The following TENM2 variants were observed in gnomAD, a reference collection of about 807,000 sequenced individuals.
TENM2 encodes the protein teneurin transmembrane protein 2.
In TENM2, 52 loss-of-function variants were observed where a neutral mutation model predicts 245.2. The observed-to-expected ratio is 0.21, with a 90% confidence interval of 0.17 to 0.27. The LOEUF (loss-of-function observed/expected upper bound fraction) is 0.27. Ranked by LOEUF, TENM2 falls within the 10% of genes least tolerant of loss-of-function variation. The pLI is 1.00. For missense variants in TENM2, 3,046 were observed against 3,666.8 expected (o/e 0.83, Z 4.37); for synonymous variants, 1,363 against 1,438.9 (o/e 0.95, Z 1.19).
the TENM2 span, among the ~76,000 whole-genome samples, chr5:167,276,508 GTTTT>G: frequency 7.2e-5 from 11 of 151,968 alleles, no homozygotes; most frequent in African/African-American, 2.4e-4. Flanking sequence ...AAATATTTGA[GTTTT>G]TTGAGTTTTT....
chr5:167,786,977 C>T (rs1468513604), intron 2 of TENM2, among the ~76,000 whole-genome samples: 1 of 152,246 alleles, frequency 6.6e-6, no homozygotes, highest in Admixed American at 6.5e-5. Flanking sequence ...TAGTAAAATA[C>T]TAGTCACTTT....
intron 2 of TENM2, among the ~76,000 whole-genome samples, chr5:167,450,935 C>T (rs180992109): frequency 1.3e-5 from 2 of 151,928 alleles, no homozygotes; most frequent in African/African-American, 2.4e-5. Context: ...TGTTGATATC[C>T]GTTGTTAATA....
At chr5:167,724,855 G>C (rs1253558056) in intron 2 of TENM2, among the ~76,000 whole-genome samples, 3 of 152,198 alleles carry the variant, frequency 2.0e-5, no homozygotes, top group Non-Finnish European at 4.4e-5. Context: ...CGTAGTGAGA[G>C]TGGTATTAAG....
At chr5:167,865,055 C>G (rs1029540149) in intron 2 of TENM2, among the ~76,000 whole-genome samples, 2 of 152,136 alleles carry the variant, frequency 1.3e-5, no homozygotes, top group African/African-American at 2.4e-5. Flanking sequence ...CCCAACTAAG[C>G]TCTTACAAAA....
At position 167,539,793 on chromosome 5, in the gene TENM2, C is replaced by T. The variant is rs551264691; in HGVS notation, c.502+164320C>T. Among the ~76,000 whole-genome samples, 35 of 152,114 alleles carry T rather than the reference C, an allele frequency of 2.3e-4. No individual in the cohort carries two copies. In the South Asian group the frequency reaches 3.7e-3, roughly 16 times the overall value. On this transcript the variant is annotated intron_variant, in intron 2 of 28. Coordinates refer to ENST00000518659, the Ensembl canonical transcript of TENM2. ...CATTCAGAGAGATAATTTTATAGAG[C>T]GGCTGGTATCATGTGATCTTATTAA... is the stretch of plus-strand genomic sequence containing the variant.
intron 2 of TENM2, among the ~76,000 whole-genome samples, chr5:167,465,992 C>T (rs1402596683): frequency 6.6e-6 from 1 of 152,098 alleles, no homozygotes; most frequent in Non-Finnish European, 1.5e-5. Flanking sequence ...GATACTGACC[C>T]AAATGTAATC....
intron 12 of TENM2, among the ~76,000 whole-genome samples, chr5:168,143,549 T>C (rs559197764): frequency 2.6e-5 from 4 of 152,288 alleles, no homozygotes; most frequent in Admixed American, 2.6e-4. Flanking sequence ...CTGGCCCCAG[T>C]GCCTGGGCGC....
chr5:167,236,388 G>A, the TENM2 span, among the ~76,000 whole-genome samples: 1 of 151,972 alleles, frequency 6.6e-6, no homozygotes, highest in East Asian at 1.9e-4. Flanking sequence ...ACAAAATGCA[G>A]CCAGCTTGAA....
intron 4 of TENM2, among the ~76,000 whole-genome samples, chr5:167,957,361 C>G (rs917100329): frequency 6.6e-6 from 1 of 152,106 alleles, no homozygotes; most frequent in Non-Finnish European, 1.5e-5. Flanking sequence ...TGATTCTTCT[C>G]TCTTTTCTTC....
At chr5:167,658,447 A>G (rs1754993489) in intron 2 of TENM2, among the ~76,000 whole-genome samples, 1 of 152,050 alleles carries the variant, frequency 6.6e-6, no homozygotes, top group Non-Finnish European at 1.5e-5. Flanking sequence ...ATCTCAGGTG[A>G]TCTTCCCACC....
the TENM2 span, among the ~76,000 whole-genome samples, chr5:167,001,489 A>G: frequency 6.6e-6 from 1 of 152,006 alleles, no homozygotes; most frequent in Non-Finnish European, 1.5e-5. Context: ...AACATCTGCC[A>G]TTATACTCCA....
chr5:167,426,868 C>A (rs1225109612), intron 2 of TENM2, among the ~76,000 whole-genome samples: 1 of 152,000 alleles, frequency 6.6e-6, no homozygotes. Context: ...CTAAATTGAT[C>A]ATCTCAAACA....
chr5:167,405,769 AACACACACACACACAC>A (rs149621688), intron 2 of TENM2, among the ~76,000 whole-genome samples: 31 of 145,286 alleles, frequency 2.1e-4, no homozygotes, highest in African/African-American at 7.6e-4. Context: ...CACACACACA[AACACACACACACACAC>A]ACACACACAC....
At chr5:167,937,253 T>G (rs571479350) in intron 3 of TENM2, among the ~76,000 whole-genome samples, 2 of 152,384 alleles carry the variant, frequency 1.3e-5, no homozygotes, top group Non-Finnish European at 2.9e-5. Context: ...TATGAATTAC[T>G]ATACTTTGTT....
rs150599920 is a variant in TENM2 at position 168,087,978 on chromosome 5, A to G, written c.1516-2596A>G. Among the ~76,000 whole-genome samples the G allele has an allele frequency of 2.1e-4, 32 of 152,274 alleles. No homozygotes were observed. In the East Asian group the frequency reaches 4.8e-3, roughly 23 times the overall value. ...CAGGGGGACTCTGAGGAGCCAGCCA[A>G]AATAGATGTCTTCTCTTTCCCCTGA... On this transcript the variant is annotated intron_variant, in intron 7 of 28. Transcript: ENST00000518659.
At chr5:168,110,436 T>C (rs1350567417) in intron 9 of TENM2, among the ~76,000 whole-genome samples, 1 of 152,164 alleles carries the variant, frequency 6.6e-6, no homozygotes, top group Non-Finnish European at 1.5e-5. Flanking sequence ...CTTATCCCAC[T>C]TCAAAGATAA....
chr5:167,244,762 G>A, the TENM2 span, among the ~76,000 whole-genome samples: 2 of 152,128 alleles, frequency 1.3e-5, no homozygotes, highest in Non-Finnish European at 1.5e-5. Flanking sequence ...CTCCCAAGGG[G>A]TAGAGAGCCT....
At chr5:167,331,045 G>T (rs1306598928) in intron 1 of TENM2, among the ~76,000 whole-genome samples, 1 of 151,982 alleles carries the variant, frequency 6.6e-6, no homozygotes, top group East Asian at 1.9e-4. Flanking sequence ...AGACCAGCCT[G>T]ACCAACATGG....
At chr5:167,284,936 C>G in exon 1 of TENM2, 2 of 1,551,596 alleles carry the variant, frequency 1.3e-6, no homozygotes, top group East Asian at 2.4e-5. Flanking sequence ...AGGACTGCCG[C>G]GTGCCCACAC....
Sources: allele counts gnomAD v4.1 joint callset (sites outside exome capture counted in the v4.1 genomes callset), GRCh38; gene constraint gnomAD v4.1.1; transcripts MANE v1.5; gene names NCBI Gene and HGNC (gene_info 2026-07-23, HGNC 2026-07-21).